EIPR1: variants seen among roughly 807,000 people sequenced by gnomAD.
EIPR1 encodes the protein EARP complex and GARP complex interacting protein 1, also known as EARP and GARP complex-interacting protein 1.
In EIPR1, 25 loss-of-function variants were observed where a neutral mutation model predicts 48.1. The ratio of observed to expected loss-of-function variants is 0.52; its 90% CI spans 0.38 to 0.73. The LOEUF is 0.73. EIPR1 is among the 30% of genes least tolerant of loss of function. The pLI is 0.00. For missense variants in EIPR1, 415 were observed against 506.2 expected (o/e 0.82, Z 1.73); for synonymous variants, 204 against 201.9 (o/e 1.01, Z -0.09).
chr2:3,318,946 T>C, intron 3 of EIPR1: 1 of 471,462 alleles, frequency 2.1e-6, no homozygotes. Flanking sequence ...GCCAAACGAT[T>C]CTATGATGTC....
At chr2:3,252,706 T>C (rs79132253) in intron 4 of EIPR1, among the ~76,000 whole-genome samples, 4,841 of 152,238 alleles carry the variant, frequency 0.032, 87 homozygotes, top group Middle Eastern at 0.1. Context: ...CAGGAGCGTC[T>C]AAGTGGGGCT....
chr2:3,221,993 T>C (rs1665909775), intron 4 of EIPR1, among the ~76,000 whole-genome samples: 1 of 151,866 alleles, frequency 6.6e-6, no homozygotes, highest in African/African-American at 2.4e-5. Context: ...CCTCGCGGTT[T>C]TTTTTTTGTT....
intron 3 of EIPR1, among the ~76,000 whole-genome samples, chr2:3,263,614 A>G (rs1023222513): frequency 1.3e-5 from 2 of 152,188 alleles, no homozygotes; most frequent in East Asian, 3.9e-4. Context: ...TTCATGCAGC[A>G]AAAGCATGCA....
rs1208152965 is a variant in EIPR1, at chr2:3,338,277, T to C, written c.127-128A>G. The C allele has an allele frequency of 2.7e-5, 29 of 1,092,852 alleles. 1 individual carries two copies. Among genetic ancestry groups the C allele is most frequent in the Middle Eastern group, 3.0e-4 (1 of 3,312 alleles). The allele number at this position is 1,092,852 out of a possible 1,614,324, so 67.7% of individuals were successfully genotyped here. ...CAGATACATCTTTAGTTAATTGTTA[T>C]TATGCCAACAGTATGTGCTTCTATA... On this transcript the variant is annotated intron_variant, in intron 2 of 8. Coordinates refer to ENST00000382125, the MANE Select transcript of EIPR1 (RefSeq NM_003310.5).
chr2:3,355,786 C>T (rs573786644), intron 1 of EIPR1, among the ~76,000 whole-genome samples: 1 of 150,420 alleles, frequency 6.6e-6, no homozygotes, highest in Admixed American at 6.6e-5. Flanking sequence ...TGCACTCTAG[C>T]CTGGGTGACC....
rs546285848 is a variant in EIPR1, at chr2:3,189,599, G to A, written c.990-91C>T. The A allele has an allele frequency of 6.9e-5, 87 of 1,269,398 alleles. No individual in the cohort carries two copies. Among genetic ancestry groups the A allele is most frequent in the Non-Finnish European group, 8.8e-5 (83 of 946,080 alleles). The allele number at this position is 1,269,398 out of a possible 1,614,324, so 78.6% of individuals were successfully genotyped here. On this transcript the variant is annotated intron_variant, in intron 8 of 8. Transcript: ENST00000382125. The surrounding 1 kb of genome is among the most constrained non-coding windows in gnomAD (Gnocchi z 4.6). ...GAGGACGCGAGCGCTGACATCGGGA[G>A]ACACGGGAGGTACTGGGGCCTCAGC...
At chr2:3,231,180 T>C (rs115463597) in intron 4 of EIPR1, among the ~76,000 whole-genome samples, 3,824 of 152,320 alleles carry the variant, frequency 0.025, 76 homozygotes, top group South Asian at 0.074. Context: ...ATGCAACTGA[T>C]TCTTGTATGC....
intron 2 of EIPR1, among the ~76,000 whole-genome samples, chr2:3,339,502 CCTCACGT>C (rs1670165728): frequency 6.6e-6 from 1 of 152,190 alleles, no homozygotes; most frequent in African/African-American, 2.4e-5. Flanking sequence ...CCCGTCCAAA[CCTCACGT>C]CAAATTGTAA....
intron 7 of EIPR1, 30 bp downstream of exon 7, chr2:3,193,969 C>G (rs751641294): frequency 6.2e-7 from 1 of 1,610,988 alleles, no homozygotes; most frequent in Non-Finnish European, 8.5e-7. Flanking sequence ...GTAATCCCCT[C>G]CTCCCTGAAG....
chr2:3,337,972 C>A (rs779250972), intron 3 of EIPR1, 45 bp downstream of exon 3: 2 of 1,558,132 alleles, frequency 1.3e-6, no homozygotes, highest in Non-Finnish European at 1.7e-6. Flanking sequence ...GGAAATACCT[C>A]CAGTTACCTC....
intron 3 of EIPR1, among the ~76,000 whole-genome samples, chr2:3,269,204 ACACTCAATCATCGCACTCAATCATCG>A (rs879502971): frequency 6.6e-6 from 1 of 151,742 alleles, no homozygotes; most frequent in African/African-American, 2.4e-5. Flanking sequence ...CTCAATCATC[ACACTCAATCATCGCACTCAATCATCG>A]CACTCAGTCA....
chr2:3,218,168 G>A (rs577681056), intron 4 of EIPR1, among the ~76,000 whole-genome samples: 1 of 151,184 alleles, frequency 6.6e-6, no homozygotes, highest in Admixed American at 6.6e-5. Context: ...AGTGAGTCAG[G>A]TGGACACCCA....
chr2:3,212,568 G>A (rs1440313968), intron 5 of EIPR1, among the ~76,000 whole-genome samples: 2 of 152,182 alleles, frequency 1.3e-5, no homozygotes, highest in Non-Finnish European at 2.9e-5. Flanking sequence ...CTTCCTGGAG[G>A]TTTATAGTTA....
intron 4 of EIPR1, among the ~76,000 whole-genome samples, chr2:3,218,870 G>A (rs1420306286): frequency 4.5e-4 from 43 of 94,986 alleles, no homozygotes; most frequent in Admixed American, 8.1e-4. Context: ...GCCCTGATAC[G>A]CTCTAGAGCT....
intron 5 of EIPR1, chr2:3,208,802 T>C: frequency 6.5e-7 from 1 of 1,549,724 alleles, no homozygotes; most frequent in Non-Finnish European, 8.7e-7. Flanking sequence ...TGGCAGGTCC[T>C]CCTTCTGTGA....
chr2:3,338,214 T>G, intron 2 of EIPR1, 65 bp from the exon 3 acceptor site: 1 of 1,566,850 alleles, frequency 6.4e-7, no homozygotes. Flanking sequence ...TCATCAGACA[T>G]CATGATTACA....
chr2:3,268,782 G>A (rs1423590713), intron 3 of EIPR1, among the ~76,000 whole-genome samples: 1 of 152,218 alleles, frequency 6.6e-6, no homozygotes, highest in Admixed American at 6.5e-5. Flanking sequence ...CCTTGGCTCG[G>A]AGAGGCTTCA....
intron 4 of EIPR1, among the ~76,000 whole-genome samples, chr2:3,215,026 A>T (rs765651136): frequency 5.3e-5 from 8 of 152,252 alleles, no homozygotes; most frequent in Non-Finnish European, 1.0e-4. Flanking sequence ...AGCCCTCACC[A>T]GGAAATGAAT....
intron 4 of EIPR1, among the ~76,000 whole-genome samples, chr2:3,233,120 T>C (rs2103170460): frequency 6.6e-6 from 1 of 152,326 alleles, no homozygotes; most frequent in East Asian, 1.9e-4. Context: ...TTTCCAGGTC[T>C]TTTCTATGCA....
Sources: allele counts gnomAD v4.1 joint callset (sites outside exome capture counted in the v4.1 genomes callset), GRCh38; gene constraint gnomAD v4.1.1; non-coding constraint Gnocchi (gnomAD v3.1); transcripts MANE v1.5; gene names NCBI Gene and HGNC (gene_info 2026-07-23, HGNC 2026-07-21).